NWD2: variants seen among roughly 807,000 people sequenced by gnomAD.
The protein encoded by NWD2 is NACHT and WD repeat domain-containing protein 2.
Under a neutral mutation model 132.7 loss-of-function variants are expected in NWD2, and 37 were observed. The ratio of observed to expected loss-of-function variants is 0.28; its 90% CI spans 0.21 to 0.37. The LOEUF is 0.37. Among genes scored for constraint, NWD2 ranks in the 10% least tolerant of loss-of-function variants. NWD2 has a pLI of 1.00. For synonymous variants in NWD2, 705 were observed against 803.0 expected (o/e 0.88, Z 2.06); for missense variants, 1,592 against 2,122.4 (o/e 0.75, Z 4.91).
intron 1 of NWD2, among the ~76,000 whole-genome samples, chr4:37,280,968 T>C (rs1424247163): frequency 6.6e-6 from 1 of 151,644 alleles, no homozygotes; most frequent in Non-Finnish European, 1.5e-5. Flanking sequence ...GCTGGAGGAG[T>C]AGGAAACCCA....
Position 37,445,234 on chromosome 4 carries a change from T to C in NWD2, c.3246T>C (p.Thr1082=). The change falls in exon 7 of 7, where the codon ACT becomes ACC. Residue 1082 remains threonine (T), a synonymous_variant. Coordinates refer to ENST00000309447, the MANE Select transcript of NWD2 (RefSeq NM_001144990.2). The surrounding 1 kb of genome is among the most constrained non-coding windows in gnomAD (Gnocchi z 4.7). Reference sequence around the variant, plus strand: ...GGCTCGAAGCCAGCAAAGATGTCACTGTCATCGATCTGCTGTACGGATGGC... The same window carrying C: ...GGCTCGAAGCCAGCAAAGATGTCACCGTCATCGATCTGCTGTACGGATGGC... ...LAWLEASKDV[T]VIDLLYGWPL... 1 of 1,551,918 alleles carries C rather than the reference T, an allele frequency of 6.4e-7. No homozygotes were observed. The highest frequency in any genetic ancestry group is 8.7e-7 in the Non-Finnish European group (1 of 1,147,028).
At chr4:37,342,850 C>T (rs1410028038) in intron 2 of NWD2, among the ~76,000 whole-genome samples, 1 of 152,162 alleles carries the variant, frequency 6.6e-6, no homozygotes, top group African/African-American at 2.4e-5. Context: ...TATTGTTGGT[C>T]TCCTTCTTTC....
intron 3 of NWD2, among the ~76,000 whole-genome samples, chr4:37,363,847 G>A (rs559945118): frequency 6.6e-6 from 1 of 152,236 alleles, no homozygotes; most frequent in East Asian, 1.9e-4. Flanking sequence ...CAGACGGCCG[G>A]GCGCAGTGGC....
intron 1 of NWD2, among the ~76,000 whole-genome samples, chr4:37,310,421 T>G (rs1048839950): frequency 4.6e-5 from 7 of 152,178 alleles, no homozygotes; most frequent in Non-Finnish European, 8.8e-5. Context: ...TTCCCTAAAA[T>G]GTATTCAGGT....
At chr4:37,278,385 G>A (rs1718066706) in intron 1 of NWD2, among the ~76,000 whole-genome samples, 1 of 152,156 alleles carries the variant, frequency 6.6e-6, no homozygotes, top group Non-Finnish European at 1.5e-5. Flanking sequence ...CACTGGGAAT[G>A]GACATCATCC....
Position 37,444,578 on chromosome 4 carries a change from A to G in NWD2, c.2590A>G (p.Met864Val), listed in dbSNP as rs1312909222. Reference protein sequence around the residue: ...IIMNFSWLYTMIKIGQFDKVL... With the variant: ...IIMNFSWLYTVIKIGQFDKVL... ...CATGAACTTCAGCTGGCTTTATACC[A>G]TGATCAAAATTGGCCAGTTTGACAA... Residue 864 changes from methionine (M) to valine (V), a missense_variant, in exon 7 of 7, where the codon ATG becomes GTG. Physicochemically the swap from Met to Val is conservative, Grantham distance 21. This residue lies in a region of NWD2 where 1,071 missense variants were observed against 1,398.0 expected (regional missense o/e 0.77). Coordinates refer to ENST00000309447, the MANE Select transcript of NWD2 (RefSeq NM_001144990.2). The surrounding 1 kb of genome is among the most constrained non-coding windows in gnomAD (Gnocchi z 4.8). 3.2e-6 allele frequency: 5 copies of G among 1,551,922 alleles called. No homozygotes were observed. Among genetic ancestry groups the G allele is most frequent in the East Asian group, 4.9e-5 (2 of 40,920 alleles).
intron 2 of NWD2, among the ~76,000 whole-genome samples, chr4:37,327,793 C>T (rs1404971687): frequency 1.3e-5 from 2 of 152,184 alleles, no homozygotes; most frequent in Admixed American, 6.5e-5. Context: ...TCTCTCAACT[C>T]AACAAAAGGT....
intron 3 of NWD2, among the ~76,000 whole-genome samples, chr4:37,415,051 CAT>C (rs1204197211): frequency 6.6e-6 from 1 of 152,054 alleles, no homozygotes; most frequent in Non-Finnish European, 1.5e-5. Flanking sequence ...TTATTTAAGA[CAT>C]ATATTGGGAT....
intron 1 of NWD2, among the ~76,000 whole-genome samples, chr4:37,299,605 C>T (rs114449722): frequency 4.1e-4 from 63 of 152,204 alleles, no homozygotes; most frequent in African/African-American, 1.4e-3. Flanking sequence ...GGGGACCCAG[C>T]AATCTTTCCT....
chr4:37,319,669 A>G (rs2109285024), intron 1 of NWD2, among the ~76,000 whole-genome samples: 1 of 152,300 alleles, frequency 6.6e-6, no homozygotes, highest in African/African-American at 2.4e-5. Context: ...AGATAGGGGT[A>G]CAGTTTCATT....
At chr4:37,374,520 T>G (rs1720304114) in intron 3 of NWD2, among the ~76,000 whole-genome samples, 1 of 152,108 alleles carries the variant, frequency 6.6e-6, no homozygotes, top group Non-Finnish European at 1.5e-5. Context: ...CATGAGATGG[T>G]TTCTTGGTAT....
intron 1 of NWD2, among the ~76,000 whole-genome samples, chr4:37,276,175 G>C (rs191725297): frequency 6.5e-4 from 99 of 152,176 alleles, no homozygotes; most frequent in East Asian, 2.1e-3. Flanking sequence ...CTACAGAATG[G>C]GAGAAAATTT....
At chr4:37,276,877 C>T (rs1391349637) in intron 1 of NWD2, among the ~76,000 whole-genome samples, 1 of 151,902 alleles carries the variant, frequency 6.6e-6, no homozygotes, top group East Asian at 1.9e-4. Flanking sequence ...AGCAAACTAT[C>T]TCAAGGACAA....
At chr4:37,393,661 G>A (rs1430638820) in intron 3 of NWD2, among the ~76,000 whole-genome samples, 5 of 152,126 alleles carry the variant, frequency 3.3e-5, no homozygotes, top group Admixed American at 1.3e-4. Context: ...CTGCAGCAGC[G>A]AGCACTCTGT....
At chr4:37,273,809 A>G (rs6816320) in intron 1 of NWD2, among the ~76,000 whole-genome samples, 65,560 of 151,938 alleles carry the variant, frequency 0.43, 15,060 homozygotes, top group Non-Finnish European at 0.52. Flanking sequence ...TGGAAACTGA[A>G]CAACCTGCTC....
intron 1 of NWD2, among the ~76,000 whole-genome samples, chr4:37,294,055 C>A (rs1577658372): frequency 1.3e-5 from 2 of 151,962 alleles, no homozygotes; most frequent in African/African-American, 2.4e-5. Context: ...ACAGGAAGTC[C>A]CCACCCCCCT....
chr4:37,347,483 T>A (rs1719659261), intron 2 of NWD2, among the ~76,000 whole-genome samples: 2 of 152,276 alleles, frequency 1.3e-5, no homozygotes, highest in South Asian at 4.1e-4. Context: ...TTATACAATT[T>A]ATACCAATTT....
chr4:37,337,818 A>G (rs1711652755), intron 2 of NWD2, among the ~76,000 whole-genome samples: 1 of 152,048 alleles, frequency 6.6e-6, no homozygotes, highest in Non-Finnish European at 1.5e-5. Flanking sequence ...TTGAATGTTA[A>G]TATGTTTAAA....
intron 3 of NWD2, among the ~76,000 whole-genome samples, chr4:37,360,008 G>A (rs557910671): frequency 6.6e-6 from 1 of 152,274 alleles, no homozygotes; most frequent in South Asian, 2.1e-4. Context: ...TGTAGAGAGA[G>A]GCAAGTACAG....
Sources: allele counts gnomAD v4.1 joint callset (sites outside exome capture counted in the v4.1 genomes callset), GRCh38; gene constraint gnomAD v4.1.1; regional missense constraint gnomAD v4.1.1; non-coding constraint Gnocchi (gnomAD v3.1); transcripts MANE v1.5; gene names NCBI Gene and HGNC (gene_info 2026-07-23, HGNC 2026-07-21).